Variants in SIK3 observed in about 807,000 individuals in gnomAD.
The protein encoded by SIK3 is serine/threonine-protein kinase SIK3.
SIK3 carries 28 observed loss-of-function variants against 144.2 expected under a neutral mutation model. The observed-to-expected ratio is 0.19, with a 90% CI of 0.14 to 0.27. The LOEUF is 0.27. Among genes scored for constraint, SIK3 ranks in the 10% least tolerant of loss-of-function variants. The pLI, the probability that SIK3 is intolerant of heterozygous loss-of-function variation, is 1.00. For synonymous variants in SIK3, 686 were observed against 676.3 expected, an observed-to-expected ratio of 1.01 and a Z score of -0.22; for missense variants, 1,319 against 1,776.0, an observed-to-expected ratio of 0.74 and a Z score of 4.62.
chr11:117,070,121 AAGG>A (rs1954197812), intron 1 of SIK3, among the ~76,000 whole-genome samples: 1 of 152,196 alleles, frequency 6.6e-6, no homozygotes, highest in South Asian at 2.1e-4. Context: ...ATAATGTCAC[AAGG>A]AGAACTAGAT....
intron 21 of SIK3, chr11:116,855,157 A>G (rs1029623393): frequency 1.3e-4 from 19 of 151,018 alleles, no homozygotes; most frequent in Admixed American, 5.3e-4. Flanking sequence ...TGCATTTTAG[A>G]AAACCTCTGT....
At chr11:116,850,689 C>T (rs111894427) in intron 21 of SIK3, among the ~76,000 whole-genome samples, 4,762 of 152,288 alleles carry the variant, frequency 0.031, 101 homozygotes, top group Non-Finnish European at 0.036. Flanking sequence ...GAACATTGTC[C>T]TATACCCAGT....
intron 1 of SIK3, among the ~76,000 whole-genome samples, chr11:117,021,213 G>A (rs989737565): frequency 2.0e-5 from 3 of 152,132 alleles, no homozygotes; most frequent in African/African-American, 4.8e-5. Flanking sequence ...ACAGTCATTC[G>A]AGCAGTTTCT....
intron 1 of SIK3, among the ~76,000 whole-genome samples, chr11:116,967,225 T>C (rs549276438): frequency 6.6e-6 from 1 of 152,258 alleles, no homozygotes; most frequent in East Asian, 1.9e-4. Flanking sequence ...ACAGAAGGAT[T>C]GTACTCTTCC....
intron 7 of SIK3, among the ~76,000 whole-genome samples, chr11:116,876,705 G>A (rs1944277366): frequency 6.6e-6 from 1 of 152,216 alleles, no homozygotes; most frequent in Admixed American, 6.5e-5. Flanking sequence ...AAAAACAGAC[G>A]ATAATTTGGG....
intron 4 of SIK3, among the ~76,000 whole-genome samples, chr11:116,916,806 A>T (rs895344264): frequency 5.9e-5 from 9 of 151,818 alleles, no homozygotes; most frequent in Non-Finnish European, 1.0e-4. Flanking sequence ...CAAAAAAAAA[A>T]AAAAATTTTT....
intron 1 of SIK3, among the ~76,000 whole-genome samples, chr11:117,049,825 C>T (rs1445430176): frequency 6.6e-6 from 1 of 151,524 alleles, no homozygotes; most frequent in Non-Finnish European, 1.5e-5. Flanking sequence ...CATAGTGGCA[C>T]GTGACTGTAG....
In SIK3 at chr11:117,058,972, T is replaced by C. The variant is rs572474959; in HGVS notation, c.273+39171A>G. On this transcript the variant is annotated intron_variant, in intron 1 of 24. Transcript: ENST00000445177. ...TCATTGAAAGTGACCAATTATGGCATCCATATGGGATAAAGTGATGCCAGG... is the reference window on the plus strand; with the variant it reads ...TCATTGAAAGTGACCAATTATGGCACCCATATGGGATAAAGTGATGCCAGG... 9.2e-5 allele frequency among the ~76,000 whole-genome samples: 14 copies of C among 152,284 alleles called. No homozygotes were observed. The South Asian group carries it at 1.4e-3, about 16-fold the overall frequency.
intron 1 of SIK3, among the ~76,000 whole-genome samples, chr11:117,040,928 A>G (rs1055093594): frequency 6.8e-6 from 1 of 146,190 alleles, no homozygotes; most frequent in Middle Eastern, 3.6e-3. Flanking sequence ...TTTATCCATC[A>G]CCTCACAGTT....
Position 116,858,028 on chromosome 11 carries a change from T to A in SIK3, c.3437A>T (p.Asp1146Val). 1 of 1,613,900 alleles carries A rather than the reference T, an allele frequency of 6.2e-7. No individual in the cohort carries two copies. Among genetic ancestry groups the A allele is most frequent in the East Asian group, 2.2e-5 (1 of 44,888 alleles). ...ALMHSESMEE[D>V]CSCEGAKDGF... ...ATCCTTGGCCCCCTCACACGAGCAG[T>A]CCTCCTCCATGCTCTCTGAATGCAT... is the stretch of plus-strand genomic sequence containing the variant. Residue 1146 changes from aspartate (D) to valine (V), a missense_variant, in exon 21 of 25, where the codon GAC becomes GTC. By Grantham distance (152) the Asp-to-Val change is radical. Transcript: ENST00000445177. This position sits in a 1 kb window ranked among gnomAD's most constrained non-coding sequence, Gnocchi z 5.4.
chr11:116,951,626 G>A lies in SIK3; in HGVS notation c.454+2418C>T, dbSNP rs188023814. The stretch of plus-strand genomic sequence containing the variant: ...ACATTCACATGAAGTCCAGGACCAA[G>A]AAACGGATCTCTCTAATACTGCTTC... On this transcript the variant is annotated intron_variant, in intron 3 of 24. Coordinates refer to ENST00000445177, the MANE Select transcript of SIK3 (RefSeq NM_001366686.3). Among the ~76,000 whole-genome samples the A allele has an allele frequency of 2.0e-3, 303 of 152,282 alleles. 3 individuals are homozygous for A. The highest frequency in any genetic ancestry group is 6.8e-3 in the African/African-American group (281 of 41,558).
chr11:116,877,070 G>A, intron 6 of SIK3, 28 bp from the exon 7 acceptor site: 1 of 1,603,650 alleles, frequency 6.2e-7, no homozygotes, highest in Non-Finnish European at 8.5e-7. Flanking sequence ...CCTGCCTTCA[G>A]TCTCTGGTGA....
chr11:117,088,387 C>T (rs925896594), intron 1 of SIK3, among the ~76,000 whole-genome samples: 1 of 152,128 alleles, frequency 6.6e-6, no homozygotes, highest in South Asian at 2.1e-4. Flanking sequence ...TCTCCTTACT[C>T]GGAGATTTGT....
intron 1 of SIK3, among the ~76,000 whole-genome samples, chr11:117,050,779 G>A (rs1317039286): frequency 6.6e-6 from 1 of 151,988 alleles, no homozygotes; most frequent in East Asian, 1.9e-4. Flanking sequence ...ATTTCAAAAG[G>A]TAAAATGTTC....
chr11:116,924,886 G>A (rs1947190363), intron 4 of SIK3, among the ~76,000 whole-genome samples: 1 of 152,108 alleles, frequency 6.6e-6, no homozygotes, highest in Admixed American at 6.5e-5. Flanking sequence ...TGACATCTGT[G>A]GCATGTTGAA....
chr11:116,884,606 A>G (rs1333269137), intron 6 of SIK3, among the ~76,000 whole-genome samples: 1 of 151,890 alleles, frequency 6.6e-6, no homozygotes, highest in African/African-American at 2.4e-5. Context: ...TGATCTGCCC[A>G]TCTCGGCCTC....
chr11:117,024,092 C>A (rs1049808456), intron 1 of SIK3, among the ~76,000 whole-genome samples: 3 of 152,054 alleles, frequency 2.0e-5, no homozygotes, highest in Non-Finnish European at 1.5e-5. Context: ...CATTTACTAG[C>A]CCTGTAAAAT....
At chr11:117,087,664 G>A (rs1955074704) in intron 1 of SIK3, among the ~76,000 whole-genome samples, 1 of 152,180 alleles carries the variant, frequency 6.6e-6, no homozygotes, top group African/African-American at 2.4e-5. Context: ...GGCTTGCAGT[G>A]AGCCAAGCCT....
intron 3 of SIK3, among the ~76,000 whole-genome samples, chr11:116,946,435 G>A (rs1948592577): frequency 6.6e-6 from 1 of 152,082 alleles, no homozygotes; most frequent in Non-Finnish European, 1.5e-5. Context: ...ATTTTCACAG[G>A]GCACTGCAAA....
Sources: gnomAD v4.1 joint callset for allele counts (sites outside exome capture counted in the v4.1 genomes callset) on GRCh38, gnomAD v4.1.1 for gene constraint, Gnocchi (gnomAD v3.1) non-coding constraint, MANE v1.5 for transcripts, NCBI Gene and HGNC (gene_info 2026-07-23, HGNC 2026-07-21) for gene names.